The following PDS5B variants were observed in gnomAD, a reference collection of about 807,000 sequenced individuals.
PDS5B encodes the protein sister chromatid cohesion protein PDS5 homolog B.
A neutral mutation model predicts 184.1 loss-of-function variants in PDS5B; 51 were observed. That is an observed-to-expected ratio of 0.28 (90% CI 0.22 to 0.35). The LOEUF (loss-of-function observed/expected upper bound fraction) is 0.35, where lower values mean the gene tolerates loss of function less well. Ranked by LOEUF, PDS5B falls within the 10% of genes least tolerant of loss-of-function variation. The pLI, the probability that PDS5B is intolerant of heterozygous loss-of-function variation, is 1.00. For missense variants in PDS5B, 1,180 were observed against 1,723.3 expected (o/e 0.68, Z 5.58); for synonymous variants, 566 against 569.2 (o/e 0.99, Z 0.08).
chr13:32,627,461 A>G (rs960489309), intron 1 of PDS5B, among the ~76,000 whole-genome samples: 4 of 152,124 alleles, frequency 2.6e-5, no homozygotes, highest in Middle Eastern at 6.8e-3. Flanking sequence ...TATGTAGTTC[A>G]TTTCCTGGGT....
chr13:32,628,776 A>G (rs912649246), intron 1 of PDS5B, among the ~76,000 whole-genome samples: 1 of 129,834 alleles, frequency 7.7e-6, no homozygotes, highest in African/African-American at 2.6e-5. Context: ...TAACACTGTT[A>G]TATTTTTTTC....
At chr13:32,770,098 T>C in intron 31 of PDS5B, 23 bp from the exon 32 acceptor site, 1 of 1,544,116 alleles carries the variant, frequency 6.5e-7, no homozygotes. Context: ...TAACCATAAA[T>C]TGTGATTTTT....
At chr13:32,595,295 T>G (rs753828117) in intron 1 of PDS5B, among the ~76,000 whole-genome samples, 51 of 152,186 alleles carry the variant, frequency 3.4e-4, no homozygotes, top group Non-Finnish European at 6.0e-4. Context: ...TCCTGTTGAT[T>G]CTGATATAGT....
chr13:32,683,615 TGGCCA>T (rs1951309015), intron 10 of PDS5B, among the ~76,000 whole-genome samples: 2 of 152,162 alleles, frequency 1.3e-5, no homozygotes, highest in African/African-American at 2.4e-5. Context: ...CCACCACACC[TGGCCA>T]GGTTAGTGAA....
intron 2 of PDS5B, 42 bp downstream of exon 2, chr13:32,648,922 AG>A (rs766045573): frequency 5.5e-6 from 5 of 904,900 alleles, no homozygotes; most frequent in Admixed American, 1.7e-5. Flanking sequence ...TGTAGGGCAG[AG>A]GTCCCCTGTG....
At chr13:32,748,180 C>T (rs1051107936) in intron 24 of PDS5B, among the ~76,000 whole-genome samples, 1 of 152,172 alleles carries the variant, frequency 6.6e-6, no homozygotes, top group African/African-American at 2.4e-5. Context: ...TCTGTTCTTC[C>T]TTTAAATCAT....
chr13:32,635,180 T>G (rs1239721887), intron 1 of PDS5B, among the ~76,000 whole-genome samples: 10 of 6,610 alleles, frequency 1.5e-3, no homozygotes, highest in Admixed American at 5.6e-3. Context: ...GTTTTTTTTT[T>G]TTTTTTTTTT....
At chr13:32,587,816 C>T (rs1421607956) in intron 1 of PDS5B, among the ~76,000 whole-genome samples, 1 of 152,214 alleles carries the variant, frequency 6.6e-6, no homozygotes, top group Non-Finnish European at 1.5e-5. Context: ...TGATCCTACC[C>T]TGTTGATGAA....
chr13:32,606,621 T>A (rs1173100728), intron 1 of PDS5B, among the ~76,000 whole-genome samples: 2 of 152,238 alleles, frequency 1.3e-5, no homozygotes, highest in Non-Finnish European at 2.9e-5. Context: ...CCTGCCTCGC[T>A]AGGTTGGGGA....
chr13:32,770,904 C>T (rs1367241229), intron 33 of PDS5B, 143 bp downstream of exon 33: 9 of 639,824 alleles, frequency 1.4e-5, no homozygotes, highest in East Asian at 2.7e-5. Flanking sequence ...TATAAACTTA[C>T]CTTAGTGATT....
chr13:32,609,349 T>C (rs1294146553), intron 1 of PDS5B, among the ~76,000 whole-genome samples: 1 of 144,928 alleles, frequency 6.9e-6, no homozygotes, highest in Non-Finnish European at 1.5e-5. Flanking sequence ...TATACAGAGA[T>C]TTTTTTTTTT....
chr13:32,706,279 AAAATAAATAAATAAAT>A (rs60222106), intron 17 of PDS5B, among the ~76,000 whole-genome samples: 2,172 of 144,964 alleles, frequency 0.015, 52 homozygotes, highest in African/African-American at 0.046. Context: ...CTTCGTCTCA[AAAATAAATAAATAAAT>A]AAATAAATAA....
chr13:32,635,170 G>GTTTT lies in PDS5B; in HGVS notation c.-19-13542_-19-13539dup, dbSNP rs71071054. 2.6e-4 allele frequency among the ~76,000 whole-genome samples: 21 copies of GTTTT among 81,120 alleles called. 2 individuals are homozygous for GTTTT. The highest frequency in any genetic ancestry group is 3.5e-4 in the Non-Finnish European group (14 of 39,848). 53.2% of individuals were successfully genotyped at this position (81,120 alleles called of 152,430 possible). On this transcript the variant is annotated intron_variant, in intron 1 of 34. Transcript: ENST00000315596. Reference sequence around the variant, plus strand: ...TGCACCACCATGTCCAGCCAATTACGTTTTTTTTTTTTTTTTTTTTTTTTT... The same window carrying GTTTT: ...TGCACCACCATGTCCAGCCAATTACGTTTTTTTTTTTTTTTTTTTTTTTTTTTTT...
intron 27 of PDS5B, 89 bp downstream of exon 27, chr13:32,758,308 G>C (rs1034162896): frequency 8.9e-7 from 1 of 1,122,250 alleles, no homozygotes; most frequent in Non-Finnish European, 1.2e-6. Context: ...TTTATAGATA[G>C]CATCAAATAA....
chr13:32,654,455 G>A (rs1950446711), intron 3 of PDS5B, among the ~76,000 whole-genome samples: 2 of 152,118 alleles, frequency 1.3e-5, no homozygotes, highest in Admixed American at 6.5e-5. Flanking sequence ...AGCAATCCAG[G>A]AAGGGTTCAT....
chr13:32,678,933 CTA>C lies in PDS5B; in HGVS notation c.1057+12_1057+13del. The C allele has an allele frequency of 2.1e-6, 3 of 1,462,030 alleles. No individual in the cohort carries two copies. The highest frequency in any genetic ancestry group is 2.9e-6 in the Non-Finnish European group (3 of 1,041,656). 90.6% of individuals were successfully genotyped at this position (1,462,030 alleles called of 1,614,324 possible). A position where few individuals can be genotyped will look rare whatever the true frequency, so the allele number is the denominator to read the frequency against. On this transcript the variant is annotated splice_donor_5th_base_variant and intron_variant, in intron 10 of 34. Coordinates refer to ENST00000315596, the MANE Select transcript of PDS5B (RefSeq NM_015032.4). Reference sequence around the variant, plus strand: ...GATTTAGCAAAAGACTTAACAGGTACTATATATATGTAACAGCAAATATTCTT... The same window carrying C: ...GATTTAGCAAAAGACTTAACAGGTACTATATATGTAACAGCAAATATTCTT...
At chr13:32,722,856 G>A (rs1488807547) in intron 19 of PDS5B, among the ~76,000 whole-genome samples, 1 of 152,182 alleles carries the variant, frequency 6.6e-6, no homozygotes, top group Non-Finnish European at 1.5e-5. Context: ...GCTGTTGCTG[G>A]GGAGCAGTGA....
chr13:32,656,611 T>A (rs1325473416), intron 3 of PDS5B, among the ~76,000 whole-genome samples: 3 of 151,022 alleles, frequency 2.0e-5, no homozygotes, highest in African/African-American at 7.3e-5. Context: ...TTTTTTTTTT[T>A]TAAAAGACAA....
intron 1 of PDS5B, among the ~76,000 whole-genome samples, chr13:32,630,509 G>A (rs1044425484): frequency 1.3e-5 from 2 of 152,160 alleles, no homozygotes; most frequent in African/African-American, 4.8e-5. Flanking sequence ...GGCAAAAAAC[G>A]TGAGAGTGCT....
Sources: gnomAD v4.1 joint callset for allele counts (sites outside exome capture counted in the v4.1 genomes callset) on GRCh38, gnomAD v4.1.1 for gene constraint, MANE v1.5 for transcripts, NCBI Gene and HGNC (gene_info 2026-07-23, HGNC 2026-07-21) for gene names.